The following CFAP92 variants were observed in gnomAD, a reference collection of about 807,000 sequenced individuals.
CFAP92 encodes the protein uncharacterized protein CFAP92.
CFAP92 carries 86 observed loss-of-function variants against 106.3 expected under a neutral mutation model. The observed-to-expected ratio is 0.81, with a 90% confidence interval of 0.68 to 0.97. The LOEUF is 0.97. Among genes scored for constraint, CFAP92 ranks in the 50% least tolerant of loss-of-function variants. The pLI, the probability that CFAP92 is intolerant of heterozygous loss-of-function variation, is 0.00. For synonymous variants in CFAP92, 477 were observed against 506.4 expected (o/e 0.94, Z 0.78); for missense variants, 1,204 against 1,283.8 (o/e 0.94, Z 0.95).
At chr3:129,013,744 C>G in the CFAP92 span, among the ~76,000 whole-genome samples, 1 of 152,226 alleles carries the variant, frequency 6.6e-6, no homozygotes, top group Non-Finnish European at 1.5e-5. Context: ...CTAGACCTGG[C>G]TAAAACATTC....
intron 9 of CFAP92, among the ~76,000 whole-genome samples, chr3:128,949,061 A>G (rs1940536827): frequency 6.6e-6 from 1 of 152,208 alleles, no homozygotes; most frequent in Non-Finnish European, 1.5e-5. Context: ...TACTGACAAT[A>G]CCACATTCTG....
intron 4 of CFAP92, among the ~76,000 whole-genome samples, chr3:128,985,251 G>A (rs1943780191): frequency 2.6e-5 from 4 of 152,110 alleles, no homozygotes; most frequent in Admixed American, 2.6e-4. Flanking sequence ...TTAAGACCAG[G>A]AGTTAGAGAC....
chr3:128,964,410 G>A (rs1003204823), intron 9 of CFAP92, among the ~76,000 whole-genome samples: 1 of 152,108 alleles, frequency 6.6e-6, no homozygotes, highest in African/African-American at 2.4e-5. Flanking sequence ...ACTATCTTTT[G>A]TCTAGTCATA....
intron 4 of CFAP92, among the ~76,000 whole-genome samples, chr3:128,984,064 T>G (rs1311017746): frequency 2.6e-5 from 4 of 152,152 alleles, no homozygotes; most frequent in Non-Finnish European, 4.4e-5. Context: ...GGACACCCAC[T>G]GGGCACCAGG....
At chr3:129,014,420 G>A in the CFAP92 span, among the ~76,000 whole-genome samples, 1 of 152,162 alleles carries the variant, frequency 6.6e-6, no homozygotes, top group Non-Finnish European at 1.5e-5. This position sits in a 1 kb window ranked among gnomAD's most constrained non-coding sequence, Gnocchi z 4.3. Context: ...CTCTCTCCTG[G>A]GCTGGCAGCC....
At position 128,975,813 on chromosome 3, in the gene CFAP92, G is replaced by A. The variant is rs750857130; in HGVS notation, c.987C>T (p.Ser329=). 7 of 1,605,056 alleles carry A rather than the reference G, an allele frequency of 4.4e-6. No homozygotes were observed. The highest frequency in any genetic ancestry group is 1.3e-5 in the African/African-American group (1 of 74,708). Residue 329 remains serine, a synonymous_variant, in exon 7 of 16, where the codon AGC becomes AGT. Transcript: ENST00000645291. The part of the protein sequence containing the change: ...KELIESESLS[S]LTNILDRQRS... ...TTTGTCTGTCTAATATGTTTGTTAAGCTGCTAAGTGATTCACTCTCAATTA... is the reference window on the plus strand; with the variant it reads ...TTTGTCTGTCTAATATGTTTGTTAAACTGCTAAGTGATTCACTCTCAATTA...
chr3:128,945,786 C>G lies in CFAP92; in HGVS notation c.1543G>C (p.Asp515His). 6.5e-7 allele frequency: 1 copy of G among 1,529,072 alleles called. No individual in the cohort carries two copies. Among genetic ancestry groups the G allele is most frequent in the Non-Finnish European group, 8.7e-7 (1 of 1,143,518 alleles). 94.7% of individuals were successfully genotyped at this position (1,529,072 alleles called of 1,614,324 possible). A position where few individuals can be genotyped will look rare whatever the true frequency, so the allele number is the denominator to read the frequency against. The stretch of plus-strand genomic sequence containing the variant: ...TGAGAACACTCCTCTGACTTGCGGT[C>G]CCGGTCGTGAACTTCCACCACCATG... ...PPMVVEVHDR[D>H]RKSEECSQKP... is the part of the protein sequence containing the mutation. The change falls in exon 10 of 16, where the codon GAC (aspartate) becomes CAC (histidine). Residue 515 changes from aspartate (D) to histidine (H), a missense_variant. Transcript: ENST00000645291.
At chr3:128,977,768 A>G (rs1410619549) in intron 5 of CFAP92, among the ~76,000 whole-genome samples, 1 of 152,192 alleles carries the variant, frequency 6.6e-6, no homozygotes, top group Non-Finnish European at 1.5e-5. Flanking sequence ...CTGAGGCAGG[A>G]GAATCACTTG....
At chr3:129,022,166 A>T in the CFAP92 span, among the ~76,000 whole-genome samples, 1 of 152,228 alleles carries the variant, frequency 6.6e-6, no homozygotes, top group Non-Finnish European at 1.5e-5. Context: ...AAATATTACC[A>T]GGGGCAGGAG....
At chr3:129,015,547 C>T in the CFAP92 span, among the ~76,000 whole-genome samples, 1 of 151,986 alleles carries the variant, frequency 6.6e-6, no homozygotes, top group Non-Finnish European at 1.5e-5. Context: ...GCTGGCAGGG[C>T]CTTAGAAGTC....
At chr3:128,976,377 C>A (rs888147533) in intron 6 of CFAP92, among the ~76,000 whole-genome samples, 3 of 152,046 alleles carry the variant, frequency 2.0e-5, no homozygotes, top group Admixed American at 1.3e-4. Context: ...GGATGAGACA[C>A]CTTAACAATG....
chr3:128,963,474 G>C (rs1399798264), intron 9 of CFAP92, among the ~76,000 whole-genome samples: 1 of 151,940 alleles, frequency 6.6e-6, no homozygotes, highest in Non-Finnish European at 1.5e-5. Context: ...CTGCTCCCCG[G>C]CTCCTTCAGC....
chr3:129,011,550 CA>C, the CFAP92 span, among the ~76,000 whole-genome samples: 3,099 of 93,372 alleles, frequency 0.033, 86 homozygotes, highest in African/African-American at 0.098. Flanking sequence ...GACTCCGTCT[CA>C]AAAAAAAAAA....
Position 128,932,378 on chromosome 3 carries a change from T to TACACACACACACACACACACAC in CFAP92, c.2751+321_2751+322insGTGTGTGTGTGTGTGTGTGTGT, listed in dbSNP as rs112536236. Among the ~76,000 whole-genome samples the TACACACACACACACACACACAC allele has an allele frequency of 2.2e-3, 320 of 147,580 alleles. 2 individuals are homozygous for TACACACACACACACACACACAC. Among genetic ancestry groups the TACACACACACACACACACACAC allele is most frequent in the South Asian group, 0.013 (61 of 4,602 alleles). On this transcript the variant is annotated intron_variant, in intron 12 of 15. Coordinates refer to ENST00000645291, the MANE Select transcript of CFAP92 (RefSeq NM_001394090.1). Reference sequence around the variant, plus strand: ...GCCCTGAGCAGCGTAAGCAACATGTTACACACACACACACACACATGCCAC... The same window carrying TACACACACACACACACACACAC: ...GCCCTGAGCAGCGTAAGCAACATGTTACACACACACACACACACACACACACACACACACACACACATGCCAC...
At chr3:129,006,139 A>G (rs114999021), upstream of CFAP92, among the ~76,000 whole-genome samples, 1,356 of 152,346 alleles carry the variant, frequency 8.9e-3, 11 homozygotes, top group African/African-American at 0.031. Context: ...ACCCAAGGCC[A>G]CACAGCCAGA....
At chr3:128,992,089 A>G (rs1274235059) in intron 2 of CFAP92, among the ~76,000 whole-genome samples, 2 of 152,192 alleles carry the variant, frequency 1.3e-5, no homozygotes, top group Non-Finnish European at 2.9e-5. Flanking sequence ...AGCATGAAGC[A>G]GAGCTGAGCT....
At chr3:128,927,646 C>G (rs990118869) in intron 12 of CFAP92, among the ~76,000 whole-genome samples, 1 of 151,604 alleles carries the variant, frequency 6.6e-6, no homozygotes, top group African/African-American at 2.4e-5. Context: ...ATGGCGTGAA[C>G]CCAGGAGGCG....
At chr3:129,021,102 G>A in the CFAP92 span, among the ~76,000 whole-genome samples, 1 of 152,234 alleles carries the variant, frequency 6.6e-6, no homozygotes, top group South Asian at 2.1e-4. Context: ...ACACATGAGG[G>A]GCCCTGCCAG....
At chr3:129,002,319 C>T in intron 1 of CFAP92, 1 of 1,518,200 alleles carries the variant, frequency 6.6e-7, no homozygotes, top group African/African-American at 1.4e-5. Flanking sequence ...CTGCCTAGCA[C>T]TGCAGGTGCG....
Sources: allele counts gnomAD v4.1 joint callset (sites outside exome capture counted in the v4.1 genomes callset), GRCh38; gene constraint gnomAD v4.1.1; non-coding constraint Gnocchi (gnomAD v3.1); transcripts MANE v1.5; gene names NCBI Gene and HGNC (gene_info 2026-07-23, HGNC 2026-07-21).